FRMD4A: variants seen among roughly 807,000 people sequenced by gnomAD.
The protein encoded by FRMD4A is FERM domain-containing protein 4A.
FRMD4A carries 29 observed loss-of-function variants against 129.1 expected under a neutral mutation model. The observed-to-expected ratio is 0.22, with a 90% CI of 0.17 to 0.31. The LOEUF (loss-of-function observed/expected upper bound fraction) is 0.31. Among genes scored for constraint, FRMD4A ranks in the 10% least tolerant of loss-of-function variants. The pLI is 1.00. For missense variants in FRMD4A, 1,272 were observed against 1,375.8 expected, an observed-to-expected ratio of 0.92 and a Z score of 1.19; for synonymous variants, 634 against 571.6, an observed-to-expected ratio of 1.11 and a Z score of -1.56.
chr10:13,668,314 C>CT (rs933010417), intron 17 of FRMD4A: 4 of 152,208 alleles, frequency 2.6e-5, no homozygotes, highest in Non-Finnish European at 5.9e-5. Flanking sequence ...TTTGGGCTCC[C>CT]TGGGGCAGCT....
intron 2 of FRMD4A, among the ~76,000 whole-genome samples, chr10:14,233,605 G>T (rs1258839610): frequency 6.6e-6 from 1 of 152,120 alleles, no homozygotes; most frequent in Non-Finnish European, 1.5e-5. Flanking sequence ...CATCCTGAGT[G>T]CTTTTGTGGC....
At chr10:13,707,259 CACACACACACACAT>C (rs1389479102) in intron 12 of FRMD4A, 146 bp from the exon 13 acceptor site, 27 of 557,444 alleles carry the variant, frequency 4.8e-5, no homozygotes, top group Non-Finnish European at 7.8e-5. Context: ...TCTTGCTTGA[CACACACACACACAT>C]ACACACACAC....
intron 2 of FRMD4A, among the ~76,000 whole-genome samples, chr10:14,145,039 C>T (rs1296036876): frequency 6.6e-6 from 1 of 152,062 alleles, no homozygotes; most frequent in African/African-American, 2.4e-5. Context: ...ATAAAGGAAG[C>T]CAAAGTCATT....
At chr10:13,750,733 A>G (rs2091577848) in intron 8 of FRMD4A, among the ~76,000 whole-genome samples, 1 of 152,198 alleles carries the variant, frequency 6.6e-6, no homozygotes, top group African/African-American at 2.4e-5. Flanking sequence ...TGCCAGGCTA[A>G]GAGGGTTCAG....
chr10:14,215,125 A>G (rs1843036425), intron 2 of FRMD4A, among the ~76,000 whole-genome samples: 1 of 152,244 alleles, frequency 6.6e-6, no homozygotes, highest in Non-Finnish European at 1.5e-5. Flanking sequence ...GGGAAAAGGT[A>G]GATACCATCA....
At chr10:13,802,682 C>T (rs10906493) in intron 4 of FRMD4A, among the ~76,000 whole-genome samples, 51,557 of 151,736 alleles carry the variant, frequency 0.34, 9,915 homozygotes, top group Non-Finnish European at 0.43. Context: ...CTTTGTTGTC[C>T]GGGCTGGTCT....
intron 2 of FRMD4A, among the ~76,000 whole-genome samples, chr10:14,291,620 A>T (rs1357838703): frequency 6.6e-6 from 1 of 152,156 alleles, no homozygotes; most frequent in Non-Finnish European, 1.5e-5. Flanking sequence ...ATAAAAATAA[A>T]CAAATTAGAA....
At chr10:13,840,819 T>C (rs970494039) in intron 3 of FRMD4A, among the ~76,000 whole-genome samples, 2 of 105,910 alleles carry the variant, frequency 1.9e-5, no homozygotes. Flanking sequence ...AAAAAAAAAG[T>C]GGTCTAGGCC....
At chr10:13,797,214 C>T (rs762970434) in intron 4 of FRMD4A, among the ~76,000 whole-genome samples, 3 of 152,154 alleles carry the variant, frequency 2.0e-5, no homozygotes, top group Admixed American at 1.3e-4. Flanking sequence ...TGTCCTGAAC[C>T]GCCTTTCCAC....
chr10:14,236,379 G>T (rs530528146), intron 2 of FRMD4A, among the ~76,000 whole-genome samples: 1 of 152,266 alleles, frequency 6.6e-6, no homozygotes, highest in South Asian at 2.1e-4. Flanking sequence ...TCATTGAACT[G>T]GGAGTGAGAC....
Position 14,277,072 on chromosome 10 carries a change from C to G in FRMD4A, c.45+52986G>C, listed in dbSNP as rs1185914739. On this transcript the variant is annotated intron_variant, in intron 2 of 24. Transcript: ENST00000357447. ...TAGAGACGGGGTTTTGCCAACTTGC[C>G]CAGGCTGGTCTTGAACTCCTGGATT... Among the ~76,000 whole-genome samples the G allele has an allele frequency of 2.0e-5, 3 of 152,064 alleles. No homozygotes were observed. In the East Asian group the frequency reaches 5.8e-4, roughly 29 times the overall value.
intron 2 of FRMD4A, among the ~76,000 whole-genome samples, chr10:14,163,071 G>A (rs1305180429): frequency 6.6e-6 from 1 of 152,114 alleles, no homozygotes; most frequent in African/African-American, 2.4e-5. Context: ...AAAGTTTGTG[G>A]ATGTAATGTG....
At chr10:13,901,000 C>A (rs148693110) in intron 2 of FRMD4A, among the ~76,000 whole-genome samples, 1 of 152,202 alleles carries the variant, frequency 6.6e-6, no homozygotes, top group Non-Finnish European at 1.5e-5. Flanking sequence ...ACTCAGTCTT[C>A]GCAACAGCCC....
chr10:13,794,290 G>A (rs2093065610), intron 5 of FRMD4A, among the ~76,000 whole-genome samples: 1 of 150,936 alleles, frequency 6.6e-6, no homozygotes, highest in South Asian at 2.1e-4. Flanking sequence ...TGCTCAGGAG[G>A]CTGAGGCAGG....
chr10:13,884,914 GTAT>G (rs2094600655), intron 2 of FRMD4A, among the ~76,000 whole-genome samples: 1 of 152,154 alleles, frequency 6.6e-6, no homozygotes, highest in Non-Finnish European at 1.5e-5. Flanking sequence ...ATTGATTTCA[GTAT>G]TATAAGTGAG....
intron 2 of FRMD4A, among the ~76,000 whole-genome samples, chr10:13,982,779 G>A (rs994891899): frequency 2.6e-5 from 4 of 152,122 alleles, no homozygotes; most frequent in East Asian, 1.9e-4. Context: ...CTCCTGTGTC[G>A]CATAAAAGTA....
chr10:13,705,621 A>T (rs2087350076), intron 13 of FRMD4A, among the ~76,000 whole-genome samples: 1 of 152,140 alleles, frequency 6.6e-6, no homozygotes, highest in African/African-American at 2.4e-5. Context: ...TCACCTGGAA[A>T]ATGAACAGTG....
intron 2 of FRMD4A, among the ~76,000 whole-genome samples, chr10:14,281,816 A>G (rs1291860871): frequency 6.6e-6 from 1 of 152,172 alleles, no homozygotes; most frequent in Non-Finnish European, 1.5e-5. Context: ...CTTGCTTCCA[A>G]TGTAGGTGGG....
chr10:13,707,657 G>C, intron 12 of FRMD4A: 3 of 986,738 alleles, frequency 3.0e-6, no homozygotes, highest in Non-Finnish European at 3.6e-6. Context: ...TAATGTGTAA[G>C]AGCCTTGCAA....
Sources: gnomAD v4.1 joint callset for allele counts (sites outside exome capture counted in the v4.1 genomes callset) on GRCh38, gnomAD v4.1.1 for gene constraint, MANE v1.5 for transcripts, NCBI Gene and HGNC (gene_info 2026-07-23, HGNC 2026-07-21) for gene names.